DMD: variants seen among roughly 807,000 people sequenced by gnomAD.
The protein encoded by DMD is mutant dystrophin.
A neutral mutation model predicts 330.1 loss-of-function variants in DMD; 63 were observed. The ratio of observed to expected loss-of-function variants is 0.19; its 90% CI spans 0.16 to 0.24. The LOEUF (loss-of-function observed/expected upper bound fraction) is 0.24, where lower values mean the gene tolerates loss of function less well. Among genes scored for constraint, DMD ranks in the 10% least tolerant of loss-of-function variants. DMD has a pLI of 1.00. For synonymous variants in DMD, 1,223 were observed against 959.8 expected (o/e 1.27, Z -5.07); for missense variants, 3,344 against 2,684.1 (o/e 1.25, Z -5.43).
At chrX:32,315,825 T>C (rs1049373536) in intron 41 of DMD, among the ~76,000 whole-genome samples, 5 of 112,036 alleles carry the variant, frequency 4.5e-5, no homozygotes, top group Admixed American at 1.9e-4. Flanking sequence ...AAATCTCTTT[T>C]AGAAGAGTGT....
chrX:31,184,257 T>C (rs2041497676), intron 67 of DMD, among the ~76,000 whole-genome samples: 1 of 112,335 alleles, frequency 8.9e-6, no homozygotes, highest in African/African-American at 3.2e-5. Flanking sequence ...GTTTTTATTT[T>C]GTTTTTGAAT....
intron 1 of DMD, among the ~76,000 whole-genome samples, chrX:33,338,991 G>A (rs2054296232): frequency 9.0e-6 from 1 of 110,851 alleles, no homozygotes. Flanking sequence ...CTAGACTCCT[G>A]AACAATACTT....
intron 62 of DMD, among the ~76,000 whole-genome samples, chrX:31,287,183 A>ATT (rs2053282071): frequency 8.9e-6 from 1 of 112,496 alleles, no homozygotes; most frequent in Non-Finnish European, 1.9e-5. Flanking sequence ...TATGCCTGCT[A>ATT]TGTATAAGTG....
At chrX:31,992,681 A>C (rs1199961140) in intron 44 of DMD, among the ~76,000 whole-genome samples, 1 of 111,342 alleles carries the variant, frequency 9.0e-6, no homozygotes, top group Non-Finnish European at 1.9e-5. Flanking sequence ...TTTGCACTTG[A>C]TATTTTTTTC....
intron 13 of DMD, among the ~76,000 whole-genome samples, chrX:32,589,112 G>A (rs1220388630): frequency 9.0e-6 from 1 of 111,488 alleles, no homozygotes; most frequent in Non-Finnish European, 1.9e-5. Context: ...TAGAGAAAGT[G>A]CCTTCCTTTT....
At chrX:32,823,478 T>C in intron 4 of DMD, 91 bp from the exon 5 acceptor site, 3 of 641,432 alleles carry the variant, frequency 4.7e-6, no homozygotes, top group South Asian at 4.8e-5. Context: ...GGTAATTGCA[T>C]TTAGCTATTT....
At chrX:32,366,233 G>T (rs769054110) in intron 34 of DMD, among the ~76,000 whole-genome samples, 4 of 112,193 alleles carry the variant, frequency 3.6e-5, no homozygotes, top group Admixed American at 2.8e-4. Flanking sequence ...ACATGGCACG[G>T]CTGACAGACA....
chrX:32,847,819 A>C (rs968639244), intron 3 of DMD, among the ~76,000 whole-genome samples: 1 of 112,053 alleles, frequency 8.9e-6, no homozygotes, highest in East Asian at 2.8e-4. Context: ...AATTAGGTTC[A>C]TTTTGTCTTA....
chrX:31,997,010 T>C (rs1422913060), intron 44 of DMD, among the ~76,000 whole-genome samples: 1 of 111,355 alleles, frequency 9.0e-6, no homozygotes, highest in African/African-American at 3.3e-5. Flanking sequence ...TGGGTTCAGC[T>C]CTTTTCAATT....
At chrX:32,515,653 A>G (rs774721262) in intron 18 of DMD, among the ~76,000 whole-genome samples, 4 of 112,126 alleles carry the variant, frequency 3.6e-5, no homozygotes, top group African/African-American at 9.7e-5. Flanking sequence ...CTGCAGTGAT[A>G]CTAAAAGAAT....
intron 1 of DMD, among the ~76,000 whole-genome samples, chrX:33,277,309 C>CT (rs201716431): frequency 0.032 from 3,522 of 111,348 alleles, 136 homozygotes; most frequent in African/African-American, 0.11. Flanking sequence ...ACAGTGGTGC[C>CT]TTTGGGGTGA....
At chrX:31,801,383 A>G (rs937455894) in intron 50 of DMD, among the ~76,000 whole-genome samples, 2 of 111,517 alleles carry the variant, frequency 1.8e-5, no homozygotes, top group African/African-American at 6.5e-5. Flanking sequence ...CCCTCCCACA[A>G]CACATGGGAA....
chrX:31,991,492 C>T (rs745601046), intron 44 of DMD, among the ~76,000 whole-genome samples: 2 of 110,640 alleles, frequency 1.8e-5, no homozygotes, highest in Admixed American at 1.9e-4. Context: ...GTGGGGATGA[C>T]TTTGGAGGGG....
At chrX:32,386,203 G>A (rs1253457133) in intron 33 of DMD, 107 bp downstream of exon 33, 17 of 815,469 alleles carry the variant, frequency 2.1e-5, no homozygotes, top group Non-Finnish European at 3.0e-5. Context: ...GAGAGAGAGA[G>A]GTGTTTAGAA....
At chrX:33,237,005 C>T (rs941139043) in intron 1 of DMD, among the ~76,000 whole-genome samples, 1 of 111,382 alleles carries the variant, frequency 9.0e-6, no homozygotes, top group African/African-American at 3.3e-5. Context: ...ATGCATCCAG[C>T]GAGCAAAAAC....
chrX:31,861,736 TAC>T (rs753295784), intron 48 of DMD, among the ~76,000 whole-genome samples: 1,150 of 76,721 alleles, frequency 0.015, 23 homozygotes, highest in African/African-American at 0.033. Context: ...AAGAGTGCTA[TAC>T]ACACACACAC....
intron 29 of DMD, among the ~76,000 whole-genome samples, chrX:32,429,842 T>C (rs1456484449): frequency 9.0e-6 from 1 of 111,155 alleles, no homozygotes; most frequent in East Asian, 2.8e-4. Context: ...TTAAATGAAA[T>C]TAGATATTCT....
rs996457542 is a variant in DMD, at chrX:32,359,804, A to G, written c.5325+2984T>C. Reference sequence around the variant, plus strand: ...CAATCATAGGAAGGAGAAAGATAAAATGGCAGATATTTCCCCCATCTAGTA... The same window carrying G: ...CAATCATAGGAAGGAGAAAGATAAAGTGGCAGATATTTCCCCCATCTAGTA... On this transcript the variant is annotated intron_variant, in intron 37 of 78. Transcript: ENST00000357033. Among the ~76,000 whole-genome samples, 3 of 111,011 alleles carry G rather than the reference A, an allele frequency of 2.7e-5. No homozygotes were observed. The Admixed American group carries it at 2.9e-4, about 11-fold the overall frequency.
intron 29 of DMD, among the ~76,000 whole-genome samples, chrX:32,428,635 C>T (rs1028650329): frequency 9.0e-6 from 1 of 111,416 alleles, no homozygotes; most frequent in African/African-American, 3.3e-5. Flanking sequence ...TTTCTTTTGA[C>T]AGAGTCTCAC....
Sources: allele counts gnomAD v4.1 joint callset (sites outside exome capture counted in the v4.1 genomes callset), GRCh38; gene constraint gnomAD v4.1.1; transcripts MANE v1.5; gene names NCBI Gene and HGNC (gene_info 2026-07-23, HGNC 2026-07-21).